The following HACL1 variants were observed in gnomAD, a reference collection of about 807,000 sequenced individuals.
HACL1 encodes 1600020H07Rik.
In HACL1, 64 loss-of-function variants were observed where a neutral mutation model predicts 74.2. The observed-to-expected ratio is 0.86, with a 90% CI of 0.70 to 1.06. HACL1 has a LOEUF of 1.06. HACL1 is among the 50% of genes least tolerant of loss of function. The probability of loss-of-function intolerance (pLI) is 0.00; values close to 1 mark genes in which losing one functional copy is unlikely to be tolerated. For missense variants in HACL1, 728 were observed against 719.7 expected (o/e 1.01, Z -0.13); for synonymous variants, 230 against 238.8 (o/e 0.96, Z 0.34).
intron 9 of HACL1, among the ~76,000 whole-genome samples, chr3:15,578,780 G>A (rs910441506): frequency 3.3e-5 from 5 of 152,202 alleles, no homozygotes; most frequent in Non-Finnish European, 5.9e-5. Context: ...GTGGTCTGAA[G>A]AGTATGGGGA....
intron 12 of HACL1, among the ~76,000 whole-genome samples, chr3:15,570,091 C>T (rs527794341): frequency 5.6e-4 from 85 of 152,206 alleles, no homozygotes; most frequent in Admixed American, 1.9e-3. Context: ...AATCCCAGCA[C>T]TTTGGGAGGC....
chr3:15,582,437 A>G (rs2063730002), intron 8 of HACL1, among the ~76,000 whole-genome samples: 1 of 152,206 alleles, frequency 6.6e-6, no homozygotes, highest in Non-Finnish European at 1.5e-5. Flanking sequence ...AGACATTAAA[A>G]ATTATATTTA....
Position 15,580,600 on chromosome 3 carries a change from G to A in HACL1, c.668-555C>T, listed in dbSNP as rs551692019. Among the ~76,000 whole-genome samples, 6 of 152,250 alleles carry A rather than the reference G, an allele frequency of 3.9e-5. No individual in the cohort carries two copies. In the South Asian group the frequency reaches 1.2e-3, roughly 32 times the overall value. On this transcript the variant is annotated intron_variant, in intron 8 of 16. Transcript: ENST00000321169. ...ACAAAAGTCACATCTCACAGCTCTT[G>A]CTACTGTCACTTACCCATTCTATGC...
At chr3:15,588,862 T>C (rs373418521) in intron 5 of HACL1, among the ~76,000 whole-genome samples, 1 of 152,242 alleles carries the variant, frequency 6.6e-6, no homozygotes, top group East Asian at 1.9e-4. Flanking sequence ...CAGAGTCTAC[T>C]GATAATCATT....
chr3:15,582,134 T>C (rs1026461792), intron 8 of HACL1, among the ~76,000 whole-genome samples: 2 of 152,196 alleles, frequency 1.3e-5, no homozygotes, highest in Non-Finnish European at 2.9e-5. Flanking sequence ...TTGATTAGCA[T>C]GGTCATAGGT....
At chr3:15,598,598 C>G (rs1055426363) in intron 2 of HACL1, among the ~76,000 whole-genome samples, 2 of 152,190 alleles carry the variant, frequency 1.3e-5, no homozygotes, top group African/African-American at 2.4e-5. Flanking sequence ...ACAGTAAGCT[C>G]TCAAGAACAA....
chr3:15,567,334 C>T (rs865830435), intron 14 of HACL1, among the ~76,000 whole-genome samples: 2 of 151,602 alleles, frequency 1.3e-5, no homozygotes, highest in African/African-American at 4.9e-5. Flanking sequence ...TTCAGCCTCC[C>T]GAGTAGCTGG....
chr3:15,588,808 T>TTTTTTTTTTAGACGGAGTCTC (rs2063840313), intron 5 of HACL1, among the ~76,000 whole-genome samples: 1 of 152,116 alleles, frequency 6.6e-6, no homozygotes, highest in South Asian at 2.1e-4. Context: ...CTTTTAATTT[T>TTTTTTTTTTAGACGGAGTCTC]GACATGCTTT....
chr3:15,596,145 C>A, intron 3 of HACL1: 1 of 460,426 alleles, frequency 2.2e-6, no homozygotes, highest in South Asian at 2.7e-5. Flanking sequence ...CATACATCAA[C>A]TCACTATCTG....
At chr3:15,598,057 T>C (rs1046693996) in intron 2 of HACL1, among the ~76,000 whole-genome samples, 1 of 151,456 alleles carries the variant, frequency 6.6e-6, no homozygotes, top group African/African-American at 2.4e-5. Flanking sequence ...GGAGTTTCGC[T>C]CTTGTTGCCC....
intron 8 of HACL1, among the ~76,000 whole-genome samples, chr3:15,580,799 G>C (rs938773712): frequency 3.3e-5 from 5 of 152,220 alleles, no homozygotes; most frequent in African/African-American, 1.2e-4. Context: ...TCCAGGCATG[G>C]AAATTCTAAG....
intron 7 of HACL1, among the ~76,000 whole-genome samples, chr3:15,584,579 C>T (rs1301887982): frequency 2.0e-5 from 3 of 151,972 alleles, no homozygotes; most frequent in Admixed American, 1.3e-4. Context: ...CAGGGAGAGA[C>T]TCAGTCTCAA....
At chr3:15,600,557 T>C (rs2064190529) in intron 2 of HACL1, among the ~76,000 whole-genome samples, 1 of 152,198 alleles carries the variant, frequency 6.6e-6, no homozygotes, top group Non-Finnish European at 1.5e-5. Flanking sequence ...ATCTGAGCCA[T>C]CTGAGTTTCC....
At position 15,567,886 on chromosome 3, in the gene HACL1, C is replaced by T; in HGVS notation, c.1367G>A (p.Ser456Asn). The T allele has an allele frequency of 1.2e-6, 2 of 1,613,994 alleles. No individual in the cohort carries two copies. Among genetic ancestry groups the T allele is most frequent in the East Asian group, 4.5e-5 (2 of 44,898 alleles). ...GQWIICVEGD[S>N]AFGFSGMEVE... ...CTCCATGCCAGAAAACCCAAATGCA[C>T]TGTCTCCTTCCACACAGATGATCCA... is the stretch of plus-strand genomic sequence containing the variant. Residue 456 changes from serine (S) to asparagine (N), a missense_variant, in exon 14 of 17, where the codon AGT (serine) becomes AAT (asparagine). Ser to Asn is a conservative substitution (Grantham distance 46). Coordinates refer to ENST00000321169, the MANE Select transcript of HACL1 (RefSeq NM_012260.4).
At chr3:15,582,277 C>T (rs1323165507) in intron 8 of HACL1, among the ~76,000 whole-genome samples, 1 of 152,176 alleles carries the variant, frequency 6.6e-6, no homozygotes, top group African/African-American at 2.4e-5. Context: ...TAAAAATACT[C>T]ATACCCTCTA....
intron 8 of HACL1, among the ~76,000 whole-genome samples, chr3:15,580,331 A>G (rs2063698809): frequency 6.6e-6 from 1 of 152,050 alleles, no homozygotes; most frequent in African/African-American, 2.4e-5. Context: ...AGGTCTCCCT[A>G]TATTGCCCAG....
intron 12 of HACL1, 98 bp downstream of exon 12, chr3:15,571,570 A>T: frequency 1.3e-6 from 1 of 750,356 alleles, no homozygotes; most frequent in Non-Finnish European, 2.4e-6. Context: ...AATTTTGCAC[A>T]TCAAGGTGAT....
At position 15,560,827 on chromosome 3, in the gene HACL1, G is replaced by A. The variant is rs776263869; in HGVS notation, c.*38C>T. The A allele has an allele frequency of 8.2e-6, 12 of 1,466,110 alleles. No individual in the cohort carries two copies. In the East Asian group the frequency reaches 1.8e-4, roughly 22 times the overall value. The allele number at this position is 1,466,110 out of a possible 1,614,324, so 90.8% of individuals were successfully genotyped here. A position where few individuals can be genotyped will look rare whatever the true frequency, so the allele number is the denominator to read the frequency against. On this transcript the variant is annotated 3_prime_UTR_variant, in exon 17 of 17. Transcript: ENST00000321169. ...TGGAAAATAAAATTTCATCTTGCAA[G>A]AAAGAGAAAACTCAAGACCACCAAC... is the stretch of plus-strand genomic sequence containing the variant.
At position 15,585,247 on chromosome 3, in the gene HACL1, CTT is replaced by C. The variant is rs2063773782; in HGVS notation, c.553_554del (p.Lys185ValfsTer11). On this transcript the variant is annotated frameshift_variant and splice_region_variant, in exon 7 of 17. Transcript: ENST00000321169. LOFTEE classifies it high-confidence loss of function. Reference protein sequence around the residue: ...VNLQVNVNSIKYMERCMSPPI... With the variant: ...VNLQVNVNSIXYMERCMSPPI... Reference sequence around the variant, plus strand: ...AGAATTCCAGCATAACTATTACTCACTTTATAGAATTCACATTCACCTGAAGG... The same window carrying C: ...AGAATTCCAGCATAACTATTACTCACTATAGAATTCACATTCACCTGAAGG... The C allele has an allele frequency of 7.0e-7, 1 of 1,437,976 alleles. No homozygotes were observed. Among genetic ancestry groups the C allele is most frequent in the South Asian group, 1.1e-5 (1 of 87,270 alleles). The allele number at this position is 1,437,976 out of a possible 1,614,324, so 89.1% of individuals were successfully genotyped here.
Sources: gnomAD v4.1 joint callset for allele counts (sites outside exome capture counted in the v4.1 genomes callset) on GRCh38, gnomAD v4.1.1 for gene constraint, MANE v1.5 for transcripts, NCBI Gene and HGNC (gene_info 2026-07-23, HGNC 2026-07-21) for gene names.